ATRX: variants seen among roughly 807,000 people sequenced by gnomAD.
The protein encoded by ATRX is ATRX chromatin remodeler, also known as chromatin remodeler ATRX.
ATRX carries 12 observed loss-of-function variants against 172.6 expected under a neutral mutation model. That is an observed-to-expected ratio of 0.07 (90% CI 0.04 to 0.11). The LOEUF is 0.11. Ranked by LOEUF, ATRX falls within the 10% of genes least tolerant of loss-of-function variation. ATRX has a pLI of 1.00. For missense variants in ATRX, 1,368 were observed against 1,767.4 expected (o/e 0.77, Z 4.05); for synonymous variants, 674 against 594.7 (o/e 1.13, Z -1.94).
At chrX:77,603,159 A>G (rs782204192) in intron 22 of ATRX, among the ~76,000 whole-genome samples, 29 of 111,299 alleles carry the variant, frequency 2.6e-4, no homozygotes, top group African/African-American at 9.1e-4. Flanking sequence ...CTACAAACAT[A>G]CAATATATCA....
chrX:77,782,505 T>C (rs2076602981), intron 1 of ATRX, among the ~76,000 whole-genome samples: 1 of 111,995 alleles, frequency 8.9e-6, no homozygotes, highest in Non-Finnish European at 1.9e-5. Flanking sequence ...TCCCAGCACT[T>C]TGGGAGGCAG....
rs1287345610 is a variant in ATRX at position 77,717,046 on chromosome X, GAATAA to G, written c.133+80_133+84del. The G allele has an allele frequency of 6.1e-6, 5 of 814,273 alleles. No homozygotes were observed. The African/African-American group carries it at 1.1e-4, about 17-fold the overall frequency. The allele number at this position is 814,273 out of a possible 1,213,427, so 67.1% of individuals were successfully genotyped here. A position where few individuals can be genotyped will look rare whatever the true frequency, so the allele number is the denominator to read the frequency against. On this transcript the variant is annotated intron_variant, in intron 2 of 34. Transcript: ENST00000373344. ...AAATCTCTTTTAAAAGCTGCTCTCT[GAATAA>G]AATAAATGGTTACCTCCATAAGTGT...
In ATRX at chrX:77,626,028, CATATATATATATATATATATATATATAT is replaced by C. The variant is rs782747198; in HGVS notation, c.5135-5524_5135-5497del. ...GAATGAGTGGATAAAGAAATTGTGG[CATATATATATATATATATATATATATAT>C]ATATATATATATATATATATATATA... On this transcript the variant is annotated intron_variant, in intron 19 of 34. Transcript: ENST00000373344. Among the ~76,000 whole-genome samples, 165 of 36,273 alleles carry C rather than the reference CATATATATATATATATATATATATATAT, an allele frequency of 4.5e-3. 1 individual carries two copies. Among genetic ancestry groups the C allele is most frequent in the East Asian group, 0.021 (19 of 920 alleles). The allele number at this position is 36,273 out of a possible 115,157, so 31.5% of individuals were successfully genotyped here.
intron 10 of ATRX, 123 bp from the exon 11 acceptor site, chrX:77,664,901 G>T: frequency 1.4e-6 from 1 of 707,988 alleles, no homozygotes; most frequent in Non-Finnish European, 2.0e-6. Flanking sequence ...ATTTTATATT[G>T]TAAATAAACA....
At chrX:77,526,103 G>A (rs1026118605) in intron 30 of ATRX, among the ~76,000 whole-genome samples, 28 of 111,300 alleles carry the variant, frequency 2.5e-4, no homozygotes, top group African/African-American at 6.5e-4. Flanking sequence ...AACTTTTTCC[G>A]ATTATACAGC....
intron 12 of ATRX, among the ~76,000 whole-genome samples, chrX:77,659,482 TACACACACACAC>T (rs72145948): frequency 2.4e-4 from 21 of 88,484 alleles, no homozygotes; most frequent in Admixed American, 7.9e-4. Context: ...TTTCTCTCTC[TACACACACACAC>T]ACACACACAC....
intron 30 of ATRX, among the ~76,000 whole-genome samples, chrX:77,534,887 G>C (rs1569518518): frequency 9.0e-6 from 1 of 110,932 alleles, no homozygotes; most frequent in Non-Finnish European, 1.9e-5. Flanking sequence ...AATAATCAAG[G>C]CTTTGCCTGG....
intron 1 of ATRX, among the ~76,000 whole-genome samples, chrX:77,763,820 A>G (rs1285815437): frequency 9.0e-6 from 1 of 111,694 alleles, no homozygotes; most frequent in Non-Finnish European, 1.9e-5. Context: ...TACAGAATAA[A>G]AAAGTCAAAT....
At chrX:77,733,806 C>T (rs1226960529) in intron 1 of ATRX, among the ~76,000 whole-genome samples, 1 of 107,887 alleles carries the variant, frequency 9.3e-6, no homozygotes, top group African/African-American at 3.4e-5. Context: ...ATCACTTGAA[C>T]CCAGGAGGCA....
intron 26 of ATRX, among the ~76,000 whole-genome samples, chrX:77,591,684 C>T (rs187520149): frequency 8.9e-6 from 1 of 112,104 alleles, no homozygotes; most frequent in African/African-American, 3.2e-5. Context: ...TCCTGGTGCT[C>T]AGCTCAAATG....
At chrX:77,584,643 T>A (rs782726147) in intron 27 of ATRX, among the ~76,000 whole-genome samples, 33 of 111,642 alleles carry the variant, frequency 3.0e-4, no homozygotes, top group African/African-American at 1.1e-3. Context: ...TCTCGCCATA[T>A]ATAAAAATCA....
At position 77,657,178 on chromosome X, in the gene ATRX, CTT is replaced by C. The variant is rs782120767; in HGVS notation, c.4121-527_4121-526del. Among the ~76,000 whole-genome samples, 4 of 111,362 alleles carry C rather than the reference CTT, an allele frequency of 3.6e-5. No individual in the cohort carries two copies. The South Asian group carries it at 1.5e-3, about 42-fold the overall frequency. ...AGCTGTGAGGGCGTATGGTTATTTTCTTTCTTTGTTTCCTGGTTTTGACCAGA... is the reference window on the plus strand; with the variant it reads ...AGCTGTGAGGGCGTATGGTTATTTTCTCTTTGTTTCCTGGTTTTGACCAGA... On this transcript the variant is annotated intron_variant, in intron 12 of 34. Coordinates refer to ENST00000373344, the MANE Select transcript of ATRX (RefSeq NM_000489.6).
intron 1 of ATRX, among the ~76,000 whole-genome samples, chrX:77,772,737 T>TC (rs1320734393): frequency 9.2e-6 from 1 of 109,250 alleles, no homozygotes; most frequent in Non-Finnish European, 1.9e-5. Flanking sequence ...CGCCTCGGCC[T>TC]CCCAAAGTGC....
At chrX:77,677,517 G>T (rs2070946571) in intron 9 of ATRX, among the ~76,000 whole-genome samples, 1 of 111,364 alleles carries the variant, frequency 9.0e-6, no homozygotes, top group Non-Finnish European at 1.9e-5. Flanking sequence ...CAACTGCACT[G>T]AACTATACTT....
At chrX:77,699,110 A>C (rs1235337937) in intron 2 of ATRX, among the ~76,000 whole-genome samples, 1 of 111,142 alleles carries the variant, frequency 9.0e-6, no homozygotes, top group East Asian at 2.8e-4. Flanking sequence ...AAAATCAATA[A>C]AACCAAAGAG....
At chrX:77,762,544 C>A (rs2075758155) in intron 1 of ATRX, among the ~76,000 whole-genome samples, 1 of 110,817 alleles carries the variant, frequency 9.0e-6, no homozygotes. Flanking sequence ...TAATGTGGAA[C>A]TTCAGATATA....
At position 77,513,186 on chromosome X, in the gene ATRX, G is replaced by A. The variant is rs188145345; in HGVS notation, c.7201-4557C>T. Among the ~76,000 whole-genome samples, 656 of 108,291 alleles carry A rather than the reference G, an allele frequency of 6.1e-3. 3 individuals carry two copies. The highest frequency in any genetic ancestry group is 0.021 in the African/African-American group (613 of 29,798). The allele number at this position is 108,291 out of a possible 115,157, so 94.0% of individuals were successfully genotyped here. A position where few individuals can be genotyped will look rare whatever the true frequency, so the allele number is the denominator to read the frequency against. ...CAAAAAATTAGCTGGGCGTGGTGGCGGGCACCTGTAGTCCCAGCTACTCAG... is the reference window on the plus strand; with the variant it reads ...CAAAAAATTAGCTGGGCGTGGTGGCAGGCACCTGTAGTCCCAGCTACTCAG... On this transcript the variant is annotated intron_variant, in intron 34 of 34. Coordinates refer to ENST00000373344, the MANE Select transcript of ATRX (RefSeq NM_000489.6).
At chrX:77,716,125 TTTTTTTTTTTTTTTTTTTTTG>T (rs2073376087) in intron 2 of ATRX, among the ~76,000 whole-genome samples, 1 of 26,161 alleles carries the variant, frequency 3.8e-5, no homozygotes, top group Non-Finnish European at 1.1e-4. Flanking sequence ...TTTTTTTTTT[TTTTTTTTTTTTTTTTTTTTTG>T]AAATTAACCA....
intron 30 of ATRX, among the ~76,000 whole-genome samples, chrX:77,551,459 A>G: frequency 8.9e-6 from 1 of 112,280 alleles, no homozygotes; most frequent in Middle Eastern, 4.6e-3. Flanking sequence ...CCTTATACAA[A>G]AATTAATTCA....
Sources: allele counts gnomAD v4.1 joint callset (sites outside exome capture counted in the v4.1 genomes callset), GRCh38; gene constraint gnomAD v4.1.1; transcripts MANE v1.5; gene names NCBI Gene and HGNC (gene_info 2026-07-23, HGNC 2026-07-21).